Variants in ARMC7 observed in about 807,000 individuals in gnomAD.
The protein encoded by ARMC7 is armadillo repeat-containing protein 7.
ARMC7 carries 9 observed loss-of-function variants against 14.8 expected under a neutral mutation model. The ratio of observed to expected loss-of-function variants is 0.61; its 90% CI spans 0.37 to 1.06. ARMC7 has a LOEUF of 1.06. Among genes scored for constraint, ARMC7 ranks in the 50% least tolerant of loss-of-function variants. ARMC7 has a pLI of 0.01. For missense variants in ARMC7, 262 were observed against 267.1 expected (o/e 0.98, Z 0.13); for synonymous variants, 125 against 123.4 (o/e 1.01, Z -0.09).
At chr17:75,110,953 CAAAAAAAAAAAA>C (rs537195116) in intron 2 of ARMC7, among the ~76,000 whole-genome samples, 4 of 49,812 alleles carry the variant, frequency 8.0e-5, no homozygotes, top group East Asian at 6.9e-4. Context: ...GACCCCGTCT[CAAAAAAAAAAAA>C]AAAAAAAAAA....
At chr17:75,121,443 C>T (rs142257910) in intron 2 of ARMC7, among the ~76,000 whole-genome samples, 2,269 of 152,236 alleles carry the variant, frequency 0.015, 57 homozygotes, top group African/African-American at 0.052. Context: ...GATGGAGTCT[C>T]GCTCTGTCGC....
At chr17:75,121,772 T>C (rs2074015542) in intron 2 of ARMC7, among the ~76,000 whole-genome samples, 1 of 152,192 alleles carries the variant, frequency 6.6e-6, no homozygotes, top group Non-Finnish European at 1.5e-5. Flanking sequence ...CTTGTGGTTA[T>C]ACTTTTTATT....
chr17:75,110,409 G>C, intron 1 of ARMC7, 30 bp downstream of exon 1: 1 of 1,614,134 alleles, frequency 6.2e-7, no homozygotes, highest in East Asian at 2.2e-5. Context: ...CAGGTGGCAG[G>C]GTCCGCTGTG....
intron 2 of ARMC7, among the ~76,000 whole-genome samples, chr17:75,117,842 C>T (rs183194195): frequency 2.2e-4 from 33 of 152,074 alleles, no homozygotes; most frequent in Non-Finnish European, 3.7e-4. Context: ...ATCTTTAGGC[C>T]GGGTGTGGTG....
At chr17:75,114,309 AGT>A (rs1306585186) in intron 2 of ARMC7, 1 of 400,128 alleles carries the variant, frequency 2.5e-6, no homozygotes, top group Non-Finnish European at 4.4e-6. Context: ...CCCCACCAAA[AGT>A]GTTTACCAAG....
At chr17:75,123,141 C>G (rs2074025947) in intron 2 of ARMC7, among the ~76,000 whole-genome samples, 1 of 150,888 alleles carries the variant, frequency 6.6e-6, no homozygotes, top group African/African-American at 2.4e-5. Context: ...TGAGTTCAAG[C>G]AATTCTCTTG....
At chr17:75,124,596 G>A (rs1173120007) in intron 2 of ARMC7, among the ~76,000 whole-genome samples, 2 of 151,954 alleles carry the variant, frequency 1.3e-5, no homozygotes, top group Non-Finnish European at 2.9e-5. Flanking sequence ...GAGCAGAAGA[G>A]TCCGACCACA....
chr17:75,128,661 C>T lies in ARMC7; in HGVS notation c.236-16C>T. On this transcript the variant is annotated splice_polypyrimidine_tract_variant and intron_variant, in intron 2 of 2. Coordinates refer to ENST00000245543, the MANE Select transcript of ARMC7 (RefSeq NM_024585.4). ...CCGGGGCTACAGCATCCAGACTCTT[C>T]CTTGCTCTCCCACAGGAGGCCTGTG... 1 of 1,602,794 alleles carries T rather than the reference C, an allele frequency of 6.2e-7. No homozygotes were observed. The highest frequency in any genetic ancestry group is 8.5e-7 in the Non-Finnish European group (1 of 1,173,272).
At chr17:75,128,298 C>T (rs1434284850) in intron 2 of ARMC7, among the ~76,000 whole-genome samples, 2 of 152,102 alleles carry the variant, frequency 1.3e-5, no homozygotes, top group African/African-American at 2.4e-5. Context: ...GTCTCGGACT[C>T]GTGACCTCAG....
At position 75,113,224 on chromosome 17, in the gene ARMC7, G is replaced by A. The variant is rs11867482; in HGVS notation, c.235+2618G>A. Among the ~76,000 whole-genome samples, 855 of 151,458 alleles carry A rather than the reference G, an allele frequency of 5.6e-3. 8 individuals are homozygous for A. Among genetic ancestry groups the A allele is most frequent in the African/African-American group, 0.02 (806 of 41,300 alleles). On this transcript the variant is annotated intron_variant, in intron 2 of 2. Transcript: ENST00000245543. ...TTTTTAGTAGAGACGGGGTTTCACC[G>A]TGTTGGCCAGGCTGGTCTCAAACTC...
At chr17:75,118,051 G>A (rs1390210165) in intron 2 of ARMC7, among the ~76,000 whole-genome samples, 1 of 151,002 alleles carries the variant, frequency 6.6e-6, no homozygotes, top group African/African-American at 2.5e-5. Flanking sequence ...AACCCAGGAG[G>A]CAGGCAGAGG....
chr17:75,115,069 T>G (rs2073964142), intron 2 of ARMC7, among the ~76,000 whole-genome samples: 1 of 152,136 alleles, frequency 6.6e-6, no homozygotes, highest in Non-Finnish European at 1.5e-5. Context: ...CTGCATGGTT[T>G]GAGTGCTTAG....
chr17:75,130,121 T>G lies in ARMC7; in HGVS notation c.*1083T>G. 5.0e-6 allele frequency: 1 copy of G among 200,986 alleles called. No homozygotes were observed. The highest frequency in any genetic ancestry group is 9.5e-5 in the South Asian group (1 of 10,528). The allele number at this position is 200,986 out of a possible 1,614,324, so 12.5% of individuals were successfully genotyped here. On this transcript the variant is annotated 3_prime_UTR_variant, in exon 3 of 3. Transcript: ENST00000245543. The stretch of plus-strand genomic sequence containing the variant: ...AATGGTACCCACGTGGGCATGGAAA[T>G]GGGGCAGATTAGGGGACCACTGGAC...
chr17:75,110,953 C>CAAAAAA lies in ARMC7; in HGVS notation c.235+366_235+371dup, dbSNP rs537195116. ...CGGGGACAAGAGTGAGACCCCGTCT[C>CAAAAAA]AAAAAAAAAAAAAAAAAAAAAAAAG... is the stretch of plus-strand genomic sequence containing the variant. On this transcript the variant is annotated intron_variant, in intron 2 of 2. Coordinates refer to ENST00000245543, the MANE Select transcript of ARMC7 (RefSeq NM_024585.4). Among the ~76,000 whole-genome samples, 152 of 49,808 alleles carry CAAAAAA rather than the reference C, an allele frequency of 3.1e-3. 8 individuals carry two copies. Among genetic ancestry groups the CAAAAAA allele is most frequent in the African/African-American group, 0.011 (146 of 13,742 alleles). 32.7% of individuals were successfully genotyped at this position (49,808 alleles called of 152,430 possible).
Position 75,128,667 on chromosome 17 carries a change from T to C in ARMC7, c.236-10T>C. 6.2e-7 allele frequency: 1 copy of C among 1,605,576 alleles called. No individual in the cohort carries two copies. Among genetic ancestry groups the C allele is most frequent in the South Asian group, 1.1e-5 (1 of 90,354 alleles). On this transcript the variant is annotated splice_polypyrimidine_tract_variant and intron_variant, in intron 2 of 2. Transcript: ENST00000245543. ...CTACAGCATCCAGACTCTTCCTTGC[T>C]CTCCCACAGGAGGCCTGTGCAACCT...
chr17:75,120,460 G>A (rs1489856929), intron 2 of ARMC7, among the ~76,000 whole-genome samples: 1 of 152,154 alleles, frequency 6.6e-6, no homozygotes, highest in East Asian at 1.9e-4. Flanking sequence ...GTCTTGTGCA[G>A]AGCATGTTCA....
rs2074078564 is a variant in ARMC7, at chr17:75,129,033, C to T, written c.592C>T (p.Arg198Cys). The T allele has an allele frequency of 1.9e-6, 3 of 1,595,654 alleles. No homozygotes were observed. The highest frequency in any genetic ancestry group is 2.2e-5 in the East Asian group (1 of 44,810). Residue 198 changes from arginine (R) to cysteine (C), a missense_variant, in exon 3 of 3, where the codon CGC (arginine) becomes TGC (cysteine). Arg to Cys is a radical substitution (Grantham distance 180). Coordinates refer to ENST00000245543, the MANE Select transcript of ARMC7 (RefSeq NM_024585.4). ...PLPRSVAPRQ[R>C] ...GCCGAGGAGCGTGGCCCCACGGCAGCGCTGATCCATGGAGACTGCGAGACC... is the reference window on the plus strand; with the variant it reads ...GCCGAGGAGCGTGGCCCCACGGCAGTGCTGATCCATGGAGACTGCGAGACC...
chr17:75,127,949 ATATT>A (rs768262981), intron 2 of ARMC7, among the ~76,000 whole-genome samples: 35 of 152,348 alleles, frequency 2.3e-4, no homozygotes, highest in Admixed American at 6.5e-4. Flanking sequence ...TAAACTGTAC[ATATT>A]TAAAGGGTAC....
rs771664393 is a variant in ARMC7, at chr17:75,110,448, G to T, written c.92-15G>T. 12 of 1,614,202 alleles carry T rather than the reference G, an allele frequency of 7.4e-6. No homozygotes were observed. The South Asian group carries it at 9.9e-5, about 13-fold the overall frequency. ...GCCGCCCGGACCTGGCTTCAGTGCC[G>T]CTTTCCCGTTGCAGACGCCAAGGAG... On this transcript the variant is annotated splice_polypyrimidine_tract_variant and intron_variant, in intron 1 of 2. Coordinates refer to ENST00000245543, the MANE Select transcript of ARMC7 (RefSeq NM_024585.4).
Sources: gnomAD v4.1 joint callset for allele counts (sites outside exome capture counted in the v4.1 genomes callset) on GRCh38, gnomAD v4.1.1 for gene constraint, MANE v1.5 for transcripts, NCBI Gene and HGNC (gene_info 2026-07-23, HGNC 2026-07-21) for gene names.